Variants in ABCB1 observed in about 807,000 individuals in gnomAD.
ABCB1 encodes the protein ATP-dependent translocase ABCB1.
In ABCB1, 69 loss-of-function variants were observed where a neutral mutation model predicts 142.0. The observed-to-expected ratio is 0.49, with a 90% CI of 0.40 to 0.59. The LOEUF is 0.59. Among genes scored for constraint, ABCB1 ranks in the 20% least tolerant of loss-of-function variants. ABCB1 has a pLI of 0.00. For synonymous variants in ABCB1, 532 were observed against 539.2 expected (o/e 0.99, Z 0.18); for missense variants, 1,326 against 1,554.7 (o/e 0.85, Z 2.47).
chr7:87,522,347 C>A (rs574322599), intron 21 of ABCB1: 17 of 732,108 alleles, frequency 2.3e-5, no homozygotes, highest in South Asian at 2.2e-4. Context: ...CTTTGCCAAA[C>A]CATGAAACCA....
At chr7:87,591,539 C>T (rs1819000661) in intron 3 of ABCB1, among the ~76,000 whole-genome samples, 1 of 152,054 alleles carries the variant, frequency 6.6e-6, no homozygotes, top group Non-Finnish European at 1.5e-5. Flanking sequence ...TCCACACGTG[C>T]AATTTACTAA....
intron 1 of ABCB1, among the ~76,000 whole-genome samples, chr7:87,610,228 C>G (rs927111208): frequency 7.4e-6 from 1 of 134,562 alleles, no homozygotes; most frequent in Non-Finnish European, 1.6e-5. Context: ...CTAGCTTTTT[C>G]TTTCTTTTTT....
At chr7:87,511,248 G>T (rs1814993991) in intron 25 of ABCB1, among the ~76,000 whole-genome samples, 1 of 152,138 alleles carries the variant, frequency 6.6e-6, no homozygotes, top group Non-Finnish European at 1.5e-5. Flanking sequence ...AGCTTCTTTG[G>T]CTGAGGAATG....
chr7:87,633,029 CAT>C (rs1427500008), intron 1 of ABCB1, among the ~76,000 whole-genome samples: 2 of 152,118 alleles, frequency 1.3e-5, no homozygotes, highest in Non-Finnish European at 1.5e-5. Context: ...TTTTTAATAA[CAT>C]ATGAATAGTC....
chr7:87,711,822 A>C (rs2130746134), intron 1 of ABCB1, among the ~76,000 whole-genome samples: 1 of 152,174 alleles, frequency 6.6e-6, no homozygotes, highest in East Asian at 1.9e-4. Flanking sequence ...TATTGGTCGG[A>C]GCTGCCTGAG....
intron 25 of ABCB1, among the ~76,000 whole-genome samples, chr7:87,510,921 A>C (rs975491187): frequency 6.6e-6 from 1 of 152,152 alleles, no homozygotes; most frequent in Non-Finnish European, 1.5e-5. Context: ...TGTTAGATAA[A>C]ACACTGTACT....
chr7:87,665,432 G>A (rs201180389), intron 1 of ABCB1, among the ~76,000 whole-genome samples: 1 of 152,012 alleles, frequency 6.6e-6, no homozygotes, highest in Non-Finnish European at 1.5e-5. Context: ...TAAATAAATT[G>A]TAGAAGACAC....
chr7:87,570,533 G>C (rs908911019), intron 4 of ABCB1, among the ~76,000 whole-genome samples: 1 of 152,132 alleles, frequency 6.6e-6, no homozygotes, highest in East Asian at 1.9e-4. Context: ...ATCACTCCAA[G>C]ATCCCACTAA....
At chr7:87,665,883 T>TA (rs879699095) in intron 1 of ABCB1, among the ~76,000 whole-genome samples, 6 of 152,140 alleles carry the variant, frequency 3.9e-5, no homozygotes, top group Non-Finnish European at 8.8e-5. Flanking sequence ...CATTCTTTTT[T>TA]ATAGCTGTAT....
At chr7:87,632,584 A>G (rs1402592336) in intron 1 of ABCB1, among the ~76,000 whole-genome samples, 2 of 152,178 alleles carry the variant, frequency 1.3e-5, no homozygotes, top group African/African-American at 4.8e-5. Flanking sequence ...CTGAGAACCA[A>G]CTAGTATTTT....
intron 8 of ABCB1, among the ~76,000 whole-genome samples, chr7:87,561,047 G>A (rs1159069564): frequency 6.6e-6 from 1 of 152,114 alleles, no homozygotes; most frequent in African/African-American, 2.4e-5. Context: ...TTATGTTATT[G>A]CCCATCTAGA....
Position 87,547,579 on chromosome 7 carries a change from A to G in ABCB1, c.1726-1555T>C, listed in dbSNP as rs146944274. On this transcript the variant is annotated intron_variant, in intron 14 of 27. Transcript: ENST00000622132. The stretch of plus-strand genomic sequence containing the variant: ...CTCATCTCTACAAATATATCAAAAA[A>G]TAGCTGGGGGCTGGGCACGGTAGCT... 8.1e-3 allele frequency among the ~76,000 whole-genome samples: 1,236 copies of G among 151,810 alleles called. 12 individuals are homozygous for G. The highest frequency in any genetic ancestry group is 0.015 in the Admixed American group (233 of 15,246).
rs371769325 is a variant in ABCB1, at chr7:87,624,408, T to C, written c.-330-23330A>G. 1.1e-4 allele frequency among the ~76,000 whole-genome samples: 16 copies of C among 152,358 alleles called. No homozygotes were observed. The East Asian group carries it at 2.9e-3, about 28-fold the overall frequency. ...GTGATCTCTCTGGTTTATAGCACTT[T>C]ATATATACATTTTATAGTATTTTAT... On this transcript the variant is annotated intron_variant, in intron 1 of 28. Transcript: ENST00000265724.
chr7:87,559,745 GTATAAAT>G (rs1436795190), intron 8 of ABCB1, among the ~76,000 whole-genome samples: 1 of 152,142 alleles, frequency 6.6e-6, no homozygotes, highest in Non-Finnish European at 1.5e-5. Context: ...TCACAGAGTA[GTATAAAT>G]TCAGACCCCA....
chr7:87,632,268 T>C (rs1423641521), intron 1 of ABCB1, among the ~76,000 whole-genome samples: 1 of 152,206 alleles, frequency 6.6e-6, no homozygotes, highest in Non-Finnish European at 1.5e-5. Flanking sequence ...GTTTAAAGCT[T>C]TATTCAAGTG....
At chr7:87,686,908 T>C (rs1376522373) in intron 1 of ABCB1, among the ~76,000 whole-genome samples, 1 of 142,486 alleles carries the variant, frequency 7.0e-6, no homozygotes, top group South Asian at 2.2e-4. Flanking sequence ...ATTGTGCCAC[T>C]CCACTCCAGC....
chr7:87,512,758 A>T (rs1815072343), intron 25 of ABCB1, among the ~76,000 whole-genome samples: 1 of 152,258 alleles, frequency 6.6e-6, no homozygotes, highest in Non-Finnish European at 1.5e-5. Context: ...GTCTGGCTGC[A>T]GTGCACCATC....
At chr7:87,679,547 AC>A (rs1278694008) in intron 1 of ABCB1, among the ~76,000 whole-genome samples, 4 of 149,318 alleles carry the variant, frequency 2.7e-5, no homozygotes, top group African/African-American at 1.0e-4. Flanking sequence ...ACACCACTAC[AC>A]CCAGCTAATT....
At chr7:87,563,336 CA>C in intron 7 of ABCB1, 1 of 454,282 alleles carries the variant, frequency 2.2e-6, no homozygotes, top group South Asian at 1.6e-5. Flanking sequence ...ATCCTGATAC[CA>C]AAACCTGGCA....
Sources: gnomAD v4.1 joint callset for allele counts (sites outside exome capture counted in the v4.1 genomes callset) on GRCh38, gnomAD v4.1.1 for gene constraint, MANE v1.5 for transcripts, NCBI Gene and HGNC (gene_info 2026-07-23, HGNC 2026-07-21) for gene names.